The following LRCH3 variants were observed in gnomAD, a reference collection of about 807,000 sequenced individuals.
LRCH3 encodes DISP complex protein LRCH3.
LRCH3 carries 68 observed loss-of-function variants against 104.5 expected under a neutral mutation model. The ratio of observed to expected loss-of-function variants is 0.65; its 90% CI spans 0.54 to 0.80. The LOEUF is 0.80. LRCH3 is among the 30% of genes least tolerant of loss of function. LRCH3 has a pLI of 0.00. For missense variants in LRCH3, 951 were observed against 953.9 expected, an observed-to-expected ratio of 1.00 and a Z score of 0.04; for synonymous variants, 344 against 361.3, an observed-to-expected ratio of 0.95 and a Z score of 0.54.
chr3:197,838,307 T>C (rs1456539280), intron 9 of LRCH3, among the ~76,000 whole-genome samples: 1 of 152,206 alleles, frequency 6.6e-6, no homozygotes, highest in Non-Finnish European at 1.5e-5. Context: ...AGAAATTATT[T>C]TTGCATCAGA....
chr3:197,834,981 TA>T (rs1736526500), intron 8 of LRCH3, among the ~76,000 whole-genome samples: 2 of 151,914 alleles, frequency 1.3e-5, no homozygotes, highest in African/African-American at 2.4e-5. Flanking sequence ...CCGTCTCTAC[TA>T]AAAATACAAA....
At chr3:197,839,432 T>C (rs1737459841) in intron 10 of LRCH3, 35 bp downstream of exon 10, 2 of 1,367,840 alleles carry the variant, frequency 1.5e-6, no homozygotes, top group South Asian at 1.3e-5. Context: ...TTTGTTTCTG[T>C]CTTAATCATG....
In LRCH3 at chr3:197,887,459, C is replaced by T. The variant is rs1714301571; in HGVS notation, c.*3793C>T. 1 of 146,310 alleles carries T rather than the reference C, an allele frequency of 6.8e-6. No individual in the cohort carries two copies. The highest frequency in any genetic ancestry group is 6.9e-5 in the Admixed American group (1 of 14,538). 9.1% of individuals were successfully genotyped at this position (146,310 alleles called of 1,614,324 possible). Reference sequence around the variant, plus strand: ...GTGTTGGCGGCTGAGAGCCCCCCAGCAGAGCCCTTCCCATCACTGACAGTG... The same window carrying T: ...GTGTTGGCGGCTGAGAGCCCCCCAGTAGAGCCCTTCCCATCACTGACAGTG... On this transcript the variant is annotated 3_prime_UTR_variant, in exon 21 of 21. Transcript: ENST00000425562.
At chr3:197,797,699 A>G (rs1258823805) in intron 1 of LRCH3, among the ~76,000 whole-genome samples, 4 of 151,886 alleles carry the variant, frequency 2.6e-5, no homozygotes, top group Non-Finnish European at 5.9e-5. Flanking sequence ...CGTCTCTACT[A>G]AAAATACAAA....
Position 197,883,675 on chromosome 3 carries a change from A to G in LRCH3, c.*9A>G, listed in dbSNP as rs1476526288. On this transcript the variant is annotated 3_prime_UTR_variant, in exon 21 of 21. Transcript: ENST00000425562. This position sits in a 1 kb window ranked among gnomAD's most constrained non-coding sequence, Gnocchi z 4.2. ...AGTTATCTGCTGTTTGAGGATCCCC[A>G]GGACGGTGGGCACTGGCCTGGCCAA... 3 of 1,535,510 alleles carry G rather than the reference A, an allele frequency of 2.0e-6. No individual in the cohort carries two copies. The highest frequency in any genetic ancestry group is 8.7e-7 in the Non-Finnish European group (1 of 1,146,648).
Position 197,852,635 on chromosome 3 carries a change from TCTC to T in LRCH3, c.1590+18_1590+20del. The T allele has an allele frequency of 6.2e-7, 1 of 1,611,852 alleles. No homozygotes were observed. Among genetic ancestry groups the T allele is most frequent in the South Asian group, 1.1e-5 (1 of 90,880 alleles). ...TAGATGGTGAGGTAAGTTGATGTAA[TCTC>T]CTTTTCTTTGGAGTTGATTATTTTT... On this transcript the variant is annotated intron_variant, in intron 13 of 20. Transcript: ENST00000425562.
rs765605026 is a variant in LRCH3, at chr3:197,835,795, T to C, written c.1224T>C (p.Tyr408=). 1.2e-6 allele frequency: 2 copies of C among 1,614,150 alleles called. No individual in the cohort carries two copies. The highest frequency in any genetic ancestry group is 1.1e-5 in the South Asian group (1 of 91,082). ...GCCTTAGTTCACAGTTTATGGCGTA[T>C]ATTGAACAGCGGCGAATCTCTCATG... ...PDSLSSQFMA[Y]IEQRRISHEG... Residue 408 remains tyrosine (Y), a synonymous_variant, in exon 9 of 21, where the codon TAT becomes TAC. Coordinates refer to ENST00000425562, the MANE Select transcript of LRCH3 (RefSeq NM_001365715.1).
intron 12 of LRCH3, among the ~76,000 whole-genome samples, chr3:197,851,149 G>A (rs931487976): frequency 2.6e-5 from 4 of 152,202 alleles, no homozygotes; most frequent in Non-Finnish European, 4.4e-5. Context: ...GCTGCCTCTC[G>A]GTAATAATGG....
In LRCH3 at chr3:197,849,267, CAAAAAAAAAAA is replaced by C. The variant is rs35823428; in HGVS notation, c.1530+1261_1530+1271del. 3.2e-3 allele frequency among the ~76,000 whole-genome samples: 114 copies of C among 35,326 alleles called. 1 individual carries two copies. Among genetic ancestry groups the C allele is most frequent in the Non-Finnish European group, 6.1e-3 (99 of 16,354 alleles). 23.2% of individuals were successfully genotyped at this position (35,326 alleles called of 152,430 possible). On this transcript the variant is annotated intron_variant, in intron 12 of 20. Transcript: ENST00000425562. ...TGGTTGACAGAGTGAGACTCCACCT[CAAAAAAAAAAA>C]AAAAAAAAAAAAAAGTAGGCAAATC...
chr3:197,842,559 A>G (rs987645054), intron 10 of LRCH3, among the ~76,000 whole-genome samples: 1 of 152,072 alleles, frequency 6.6e-6, no homozygotes, highest in Non-Finnish European at 1.5e-5. Flanking sequence ...AAGCTTGCTT[A>G]CCCGTTTTTT....
intron 1 of LRCH3, among the ~76,000 whole-genome samples, chr3:197,811,950 G>T (rs895903910): frequency 6.6e-6 from 1 of 152,148 alleles, no homozygotes; most frequent in Non-Finnish European, 1.5e-5. Context: ...GATTTTTAAG[G>T]TACATGTCAC....
At chr3:197,844,838 C>T (rs1738395630) in intron 10 of LRCH3, among the ~76,000 whole-genome samples, 1 of 151,950 alleles carries the variant, frequency 6.6e-6, no homozygotes, top group Non-Finnish European at 1.5e-5. Flanking sequence ...CCAGGATGGC[C>T]TCTTATCTCC....
At chr3:197,832,077 C>A in intron 7 of LRCH3, 120 bp from the exon 8 acceptor site, 1 of 964,636 alleles carries the variant, frequency 1.0e-6, no homozygotes, top group Non-Finnish European at 1.5e-6. Context: ...GCACATCTAG[C>A]TAATTTACTC....
chr3:197,827,095 T>A (rs1735295970), intron 5 of LRCH3, 81 bp downstream of exon 5: 1 of 1,575,974 alleles, frequency 6.3e-7, no homozygotes. Context: ...TGAACCATAG[T>A]GGAAGCATCA....
chr3:197,869,923 CTG>C (rs1711916691), intron 17 of LRCH3, among the ~76,000 whole-genome samples: 1 of 150,350 alleles, frequency 6.7e-6, no homozygotes, highest in African/African-American at 2.5e-5. Flanking sequence ...TGCACTGTAC[CTG>C]CAGGAGGTAG....
In LRCH3 at chr3:197,883,495, C is replaced by G; in HGVS notation, c.2209-46C>G. 1 of 1,517,728 alleles carries G rather than the reference C, an allele frequency of 6.6e-7. No homozygotes were observed. Among genetic ancestry groups the G allele is most frequent in the East Asian group, 2.5e-5 (1 of 40,450 alleles). 94.0% of individuals were successfully genotyped at this position (1,517,728 alleles called of 1,614,324 possible). A position where few individuals can be genotyped will look rare whatever the true frequency, so the allele number is the denominator to read the frequency against. On this transcript the variant is annotated intron_variant, in intron 20 of 20. Transcript: ENST00000425562. The surrounding 1 kb of genome is among the most constrained non-coding windows in gnomAD (Gnocchi z 4.2). ...TTCCTTTCAGTTCTATGATATTCAT[C>G]CGATTTTCTTTTTTGTTTGTTTTCA...
In LRCH3 at chr3:197,832,289, C is replaced by T. The variant is rs146098830; in HGVS notation, c.1074C>T (p.Arg358=). The T allele has an allele frequency of 5.4e-5, 87 of 1,613,642 alleles. No individual in the cohort carries two copies. Among genetic ancestry groups the T allele is most frequent in the Admixed American group, 1.0e-4 (6 of 59,984 alleles). The change falls in exon 8 of 21, where the codon CGC becomes CGT. Residue 358 remains arginine (R), a synonymous_variant. Transcript: ENST00000425562. The part of the protein sequence containing the change: ...LRRESQYQEN[R]GSLVVTNGGV... ...GAGAAAGCCAGTACCAAGAGAACCG[C>T]GGCAGTTTGGTAGTAACAAACGGCG...
intron 5 of LRCH3, among the ~76,000 whole-genome samples, chr3:197,828,319 A>T (rs1279080424): frequency 6.6e-6 from 1 of 151,854 alleles, no homozygotes; most frequent in East Asian, 1.9e-4. Context: ...AATTTTTGCC[A>T]ACTCATTATT....
rs907797580 is a variant in LRCH3, at chr3:197,884,459, C to G, written c.*793C>G. On this transcript the variant is annotated 3_prime_UTR_variant, in exon 21 of 21. Coordinates refer to ENST00000425562, the MANE Select transcript of LRCH3 (RefSeq NM_001365715.1). The stretch of plus-strand genomic sequence containing the variant: ...GGCGTGAGCCACTGTGCCCGGCCTC[C>G]CAGAGTGCTGGGATGACAGGCGTGA... 6.6e-6 allele frequency: 1 copy of G among 152,148 alleles called. No homozygotes were observed. Among genetic ancestry groups the G allele is most frequent in the East Asian group, 1.9e-4 (1 of 5,132 alleles). The allele number at this position is 152,148 out of a possible 1,614,324, so 9.4% of individuals were successfully genotyped here. A position where few individuals can be genotyped will look rare whatever the true frequency, so the allele number is the denominator to read the frequency against.
Sources: allele counts gnomAD v4.1 joint callset (sites outside exome capture counted in the v4.1 genomes callset), GRCh38; gene constraint gnomAD v4.1.1; non-coding constraint Gnocchi (gnomAD v3.1); transcripts MANE v1.5; gene names NCBI Gene and HGNC (gene_info 2026-07-23, HGNC 2026-07-21).